Variants in SH3BP2 observed in about 807,000 individuals in gnomAD.
SH3BP2 encodes SH3 domain-binding protein 2.
Under a neutral mutation model 56.2 loss-of-function variants are expected in SH3BP2, and 38 were observed. The ratio of observed to expected loss-of-function variants is 0.68; its 90% CI spans 0.52 to 0.89. The LOEUF (loss-of-function observed/expected upper bound fraction) is 0.89. Ranked by LOEUF, SH3BP2 falls within the 40% of genes least tolerant of loss-of-function variation. The pLI is 0.00. For synonymous variants in SH3BP2, 346 were observed against 316.7 expected (o/e 1.09, Z -0.98); for missense variants, 748 against 762.6 (o/e 0.98, Z 0.23).
At position 2,837,989 on chromosome 4, in the gene SH3BP2, C is replaced by T. The variant is rs540980060; in HGVS notation, c.*4155C>T. ...CAGAGCAGACCCCTACCTGTCTACC[C>T]TCCTTCGGACCCCTAGGAAGCTTCG... On this transcript the variant is annotated 3_prime_UTR_variant, in exon 13 of 13. Transcript: ENST00000503393. The T allele has an allele frequency of 1.3e-5, 2 of 152,398 alleles. No individual in the cohort carries two copies. The highest frequency in any genetic ancestry group is 2.4e-5 in the African/African-American group (1 of 41,576). 9.4% of individuals were successfully genotyped at this position (152,398 alleles called of 1,614,324 possible).
At chr4:2,819,248 C>G (rs1724169588) in intron 1 of SH3BP2, among the ~76,000 whole-genome samples, 2 of 152,186 alleles carry the variant, frequency 1.3e-5, no homozygotes, top group Non-Finnish European at 2.9e-5. Flanking sequence ...GAGACAGTGT[C>G]TCACTTTGTT....
intron 1 of SH3BP2, chr4:2,796,616 G>A (rs903424153): frequency 4.5e-5 from 9 of 198,124 alleles, no homozygotes; most frequent in African/African-American, 1.4e-4. Context: ...GAGCGCCCTC[G>A]TGGTATCCAT....
intron 2 of SH3BP2, among the ~76,000 whole-genome samples, chr4:2,822,606 T>G (rs1412437138): frequency 1.3e-5 from 2 of 152,232 alleles, no homozygotes; most frequent in African/African-American, 4.8e-5. Flanking sequence ...AAGTCAGCTG[T>G]GGCCTCCCTG....
chr4:2,821,726 G>T (rs912404779), intron 2 of SH3BP2, among the ~76,000 whole-genome samples: 1 of 152,072 alleles, frequency 6.6e-6, no homozygotes, highest in Non-Finnish European at 1.5e-5. Context: ...TAAATTTCTT[G>T]TAGAGATGGA....
intron 11 of SH3BP2, 102 bp from the exon 12 acceptor site, chr4:2,832,888 C>T: frequency 4.9e-6 from 6 of 1,228,314 alleles, no homozygotes; most frequent in Non-Finnish European, 6.0e-6. Context: ...GCCACAGGAC[C>T]CAGCCTTGAT....
chr4:2,804,346 C>T (rs926681624), intron 1 of SH3BP2, among the ~76,000 whole-genome samples: 3 of 152,178 alleles, frequency 2.0e-5, no homozygotes, highest in Non-Finnish European at 2.9e-5. Flanking sequence ...CTTCTTTGCC[C>T]GAGTTTTCTC....
intron 1 of SH3BP2, among the ~76,000 whole-genome samples, chr4:2,802,657 ATG>A (rs144939379): frequency 0.027 from 3,757 of 141,726 alleles, 155 homozygotes; most frequent in African/African-American, 0.085. Context: ...ATATATGTAT[ATG>A]TGTGTGTGTG....
intron 1 of SH3BP2, chr4:2,818,507 C>T: frequency 1.8e-6 from 1 of 570,884 alleles, no homozygotes; most frequent in Non-Finnish European, 2.3e-6. Context: ...TGCTGGTCGC[C>T]CACGCGCTTC....
Position 2,839,421 on chromosome 4 carries a change from C to T in SH3BP2, c.*5587C>T, listed in dbSNP as rs1032779975. On this transcript the variant is annotated 3_prime_UTR_variant, in exon 13 of 13. Coordinates refer to ENST00000503393, the MANE Select transcript of SH3BP2 (RefSeq NM_001122681.2). Reference sequence around the variant, plus strand: ...TTGAGCTCAAGCGATCTGCTGGCCTCAGCCTCCCAAAGTTGGGATTATAGG... The same window carrying T: ...TTGAGCTCAAGCGATCTGCTGGCCTTAGCCTCCCAAAGTTGGGATTATAGG... 6.6e-6 allele frequency: 1 copy of T among 152,220 alleles called. No individual in the cohort carries two copies. The highest frequency in any genetic ancestry group is 1.5e-5 in the Non-Finnish European group (1 of 68,040). The allele number at this position is 152,220 out of a possible 1,614,324, so 9.4% of individuals were successfully genotyped here.
intron 1 of SH3BP2, chr4:2,796,492 A>T (rs1577331423): frequency 1.0e-6 from 1 of 981,132 alleles, no homozygotes; most frequent in Non-Finnish European, 1.2e-6. Context: ...CCCTTTCTTC[A>T]TGGATTCCGG....
rs982068253 is a variant in SH3BP2, at chr4:2,810,319, C to T, written c.-4-10295C>T. ...GCTCCTCTCCTCTGGGCTGGACTCC[C>T]CCTGTAGCATCACAGCATTGGACCA... On this transcript the variant is annotated intron_variant, in intron 1 of 12. Transcript: ENST00000503393. The surrounding 1 kb of genome is among the most constrained non-coding windows in gnomAD (Gnocchi z 4.2). Among the ~76,000 whole-genome samples the T allele has an allele frequency of 4.0e-5, 6 of 151,624 alleles. No individual in the cohort carries two copies. Among genetic ancestry groups the T allele is most frequent in the Non-Finnish European group, 8.8e-5 (6 of 67,884 alleles).
chr4:2,816,599 A>G (rs1724011633), intron 1 of SH3BP2, among the ~76,000 whole-genome samples: 1 of 152,328 alleles, frequency 6.6e-6, no homozygotes, highest in Non-Finnish European at 1.5e-5. Flanking sequence ...ACCCTTTATC[A>G]GATTGAGGAA....
intron 2 of SH3BP2, 95 bp downstream of exon 2, chr4:2,820,848 CA>C (rs1724264500): frequency 7.3e-7 from 1 of 1,362,272 alleles, no homozygotes; most frequent in South Asian, 1.4e-5. Flanking sequence ...TGCTTCCTCA[CA>C]TGGTGTGCCC....
At chr4:2,803,381 A>G (rs1017101949) in intron 1 of SH3BP2, among the ~76,000 whole-genome samples, 1 of 152,158 alleles carries the variant, frequency 6.6e-6, no homozygotes, top group African/African-American at 2.4e-5. Flanking sequence ...CGGGATAAGC[A>G]GGGTGCTGTC....
At chr4:2,820,847 A>T in intron 2 of SH3BP2, 94 bp downstream of exon 2, 1 of 1,370,330 alleles carries the variant, frequency 7.3e-7, no homozygotes, top group Admixed American at 2.2e-5. Context: ...CTGCTTCCTC[A>T]CATGGTGTGC....
At chr4:2,816,566 G>A (rs1284025958) in intron 1 of SH3BP2, among the ~76,000 whole-genome samples, 1 of 152,214 alleles carries the variant, frequency 6.6e-6, no homozygotes, top group Non-Finnish European at 1.5e-5. Flanking sequence ...CACTAGGTAT[G>A]TTAGCTGTGG....
intron 8 of SH3BP2, among the ~76,000 whole-genome samples, chr4:2,830,745 G>T (rs1724941193): frequency 6.6e-6 from 1 of 152,266 alleles, no homozygotes; most frequent in African/African-American, 2.4e-5. Context: ...AATGGCTGTG[G>T]TCAAAGGCAT....
In SH3BP2 at chr4:2,820,696, G is replaced by A. The variant is rs200207198; in HGVS notation, c.79G>A (p.Val27Met). The change falls in exon 2 of 13, where the codon GTG becomes ATG. Residue 27 changes from valine (V) to methionine (M), a missense_variant. Val to Met is a conservative substitution (Grantham distance 21). Coordinates refer to ENST00000503393, the MANE Select transcript of SH3BP2 (RefSeq NM_001122681.2). ...GAACCTGCTAACCATGCCTGGGGGC[G>A]TGGCCAAGGCTGGCTACCTGCACAA... ...AQNLLTMPGG[V>M]AKAGYLHKKG... 184 of 1,614,128 alleles carry A rather than the reference G, an allele frequency of 1.1e-4. 1 individual carries two copies. Among genetic ancestry groups the A allele is most frequent in the South Asian group, 5.1e-4 (46 of 91,088 alleles).
intron 1 of SH3BP2, chr4:2,812,332 C>T (rs1723781135): frequency 2.6e-6 from 4 of 1,549,716 alleles, no homozygotes; most frequent in South Asian, 2.4e-5. Flanking sequence ...TGTGGGGCAG[C>T]CAGGCGCGTC....
Sources: allele counts gnomAD v4.1 joint callset (sites outside exome capture counted in the v4.1 genomes callset), GRCh38; gene constraint gnomAD v4.1.1; non-coding constraint Gnocchi (gnomAD v3.1); transcripts MANE v1.5; gene names NCBI Gene and HGNC (gene_info 2026-07-23, HGNC 2026-07-21).